Variants in LARGE1 observed in about 807,000 individuals in gnomAD.
The protein encoded by LARGE1 is xylosyl- and glucuronyltransferase LARGE1.
Under a neutral mutation model 87.6 loss-of-function variants are expected in LARGE1, and 43 were observed. The observed-to-expected ratio is 0.49, with a 90% confidence interval of 0.38 to 0.63. LARGE1 has a LOEUF of 0.63. Ranked by LOEUF, LARGE1 falls within the 30% of genes least tolerant of loss-of-function variation. The probability of loss-of-function intolerance (pLI) is 0.00; values close to 1 mark genes in which losing one functional copy is unlikely to be tolerated. For missense variants in LARGE1, 802 were observed against 1,000.2 expected, an observed-to-expected ratio of 0.80 and a Z score of 2.67; for synonymous variants, 434 against 394.6, an observed-to-expected ratio of 1.10 and a Z score of -1.18.
chr22:33,110,995 T>C, the LARGE1 span, among the ~76,000 whole-genome samples: 1 of 152,176 alleles, frequency 6.6e-6, no homozygotes, highest in African/African-American at 2.4e-5. Context: ...AAGATCAAGC[T>C]GTATGATGTG....
intron 11 of LARGE1, among the ~76,000 whole-genome samples, chr22:33,181,524 C>T (rs1218735771): frequency 7.0e-6 from 1 of 143,018 alleles, no homozygotes; most frequent in Non-Finnish European, 1.5e-5. Flanking sequence ...GGCTATTAGG[C>T]TACATTACTC....
intron 3 of LARGE1, among the ~76,000 whole-genome samples, chr22:33,638,210 A>T (rs946574642): frequency 6.6e-6 from 1 of 152,220 alleles, no homozygotes; most frequent in African/African-American, 2.4e-5. Flanking sequence ...ATGAAGATAC[A>T]ATAGAAAAAG....
intron 6 of LARGE1, among the ~76,000 whole-genome samples, chr22:33,450,481 C>T (rs567803596): frequency 2.0e-5 from 3 of 150,544 alleles, no homozygotes; most frequent in South Asian, 4.2e-4. Flanking sequence ...GGTGTGGTGG[C>T]GGGTGCCCGT....
intron 6 of LARGE1, among the ~76,000 whole-genome samples, chr22:33,445,710 C>T (rs759965893): frequency 2.0e-5 from 3 of 147,348 alleles, no homozygotes; most frequent in Non-Finnish European, 3.0e-5. Flanking sequence ...AGCACAATGG[C>T]GGGATCTCGG....
chr22:33,264,353 T>C (rs1202348646), intron 11 of LARGE1, among the ~76,000 whole-genome samples: 3 of 152,202 alleles, frequency 2.0e-5, no homozygotes, highest in Non-Finnish European at 4.4e-5. Flanking sequence ...TTCAGGCTTC[T>C]CCATAGGAGG....
chr22:33,182,341 T>G (rs964938919), intron 11 of LARGE1, among the ~76,000 whole-genome samples: 3 of 152,168 alleles, frequency 2.0e-5, no homozygotes, highest in Admixed American at 6.5e-5. Context: ...ACTCAAAACT[T>G]TTTGCTCTTT....
At chr22:33,370,107 T>G (rs2064753764) in intron 9 of LARGE1, among the ~76,000 whole-genome samples, 1 of 152,114 alleles carries the variant, frequency 6.6e-6, no homozygotes, top group Admixed American at 6.5e-5. Context: ...TAGCCTAAAA[T>G]AATAAAAATT....
chr22:33,529,088 T>C (rs1038863056), intron 6 of LARGE1, among the ~76,000 whole-genome samples: 1 of 152,256 alleles, frequency 6.6e-6, no homozygotes, highest in Non-Finnish European at 1.5e-5. Context: ...TTCTCTCTTT[T>C]GTCCTTCCTC....
rs188593004 is a variant in LARGE1 at position 33,776,554 on chromosome 22, G to A, written c.-82-14996C>T. Among the ~76,000 whole-genome samples the A allele has an allele frequency of 2.9e-3, 438 of 152,218 alleles. 5 individuals are homozygous for A. Among genetic ancestry groups the A allele is most frequent in the Admixed American group, 1.3e-3 (20 of 15,288 alleles). On this transcript the variant is annotated intron_variant, in intron 1 of 14. Transcript: ENST00000397394. ...AATCAGCCCTTAATCACATCCATGG[G>A]ACTACCTATGAAGCCCTGCCTTGGA... is the stretch of plus-strand genomic sequence containing the variant.
chr22:33,395,216 G>A (rs549913034), intron 7 of LARGE1, among the ~76,000 whole-genome samples: 7 of 114,384 alleles, frequency 6.1e-5, no homozygotes, highest in Non-Finnish European at 9.7e-5. Flanking sequence ...GTGACGCAGC[G>A]ACTCTGCCTC....
At chr22:33,348,709 G>A (rs1940057151) in intron 9 of LARGE1, among the ~76,000 whole-genome samples, 1 of 151,688 alleles carries the variant, frequency 6.6e-6, no homozygotes, top group African/African-American at 2.4e-5. Context: ...GGAGAAATTT[G>A]CTTTTTGTTT....
intron 1 of LARGE1, among the ~76,000 whole-genome samples, chr22:33,882,657 T>C (rs946319613): frequency 2.6e-5 from 4 of 152,232 alleles, no homozygotes; most frequent in Admixed American, 6.5e-5. Context: ...AAAAGTTTCA[T>C]ACATTCCACA....
At chr22:33,334,101 C>T (rs556733414) in intron 10 of LARGE1, among the ~76,000 whole-genome samples, 6 of 144,160 alleles carry the variant, frequency 4.2e-5, no homozygotes, top group East Asian at 2.1e-4. Flanking sequence ...CCAGCTGGGG[C>T]GACAGTGCGA....
chr22:33,433,856 A>T (rs1056390229), intron 6 of LARGE1, among the ~76,000 whole-genome samples: 1 of 152,202 alleles, frequency 6.6e-6, no homozygotes, highest in African/African-American at 2.4e-5. Flanking sequence ...TCTCCTTGGT[A>T]TGATGACAGC....
At chr22:33,779,962 G>C (rs1212754883) in intron 1 of LARGE1, among the ~76,000 whole-genome samples, 1 of 152,126 alleles carries the variant, frequency 6.6e-6, no homozygotes, top group African/African-American at 2.4e-5. Context: ...GGCTTAAACA[G>C]CAGAAACTTG....
chr22:33,375,366 A>G (rs1010701487), intron 9 of LARGE1, among the ~76,000 whole-genome samples: 1 of 152,182 alleles, frequency 6.6e-6, no homozygotes, highest in Admixed American at 6.5e-5. Context: ...ATACAAGTTC[A>G]ATAACATTTG....
intron 11 of LARGE1, among the ~76,000 whole-genome samples, chr22:33,203,504 C>T (rs915455421): frequency 3.9e-5 from 6 of 152,086 alleles, no homozygotes. Context: ...GGTGTGCCCA[C>T]AATATCAATA....
intron 9 of LARGE1, among the ~76,000 whole-genome samples, chr22:33,343,993 G>A (rs1008718911): frequency 2.0e-5 from 3 of 152,174 alleles, no homozygotes; most frequent in African/African-American, 4.8e-5. Context: ...CATCCAGCAC[G>A]GGAGAAAGAG....
chr22:33,631,617 T>C (rs1429887816), intron 3 of LARGE1, among the ~76,000 whole-genome samples: 1 of 152,124 alleles, frequency 6.6e-6, no homozygotes, highest in Non-Finnish European at 1.5e-5. Context: ...TGTCATCTCC[T>C]GCGACAGCAA....
Sources: allele counts gnomAD v4.1 joint callset (sites outside exome capture counted in the v4.1 genomes callset), GRCh38; gene constraint gnomAD v4.1.1; transcripts MANE v1.5; gene names NCBI Gene and HGNC (gene_info 2026-07-23, HGNC 2026-07-21).